The following ST3GAL3 variants were observed in gnomAD, a reference collection of about 807,000 sequenced individuals.
ST3GAL3 encodes the protein CMP-N-acetylneuraminate-beta-1,4-galactoside alpha-2,3-sialyltransferase.
In ST3GAL3, 21 loss-of-function variants were observed where a neutral mutation model predicts 50.1. The observed-to-expected ratio is 0.42, with a 90% CI of 0.30 to 0.60. The LOEUF (loss-of-function observed/expected upper bound fraction) is 0.60, where lower values mean the gene tolerates loss of function less well. Ranked by LOEUF, ST3GAL3 falls within the 20% of genes least tolerant of loss-of-function variation. ST3GAL3 has a pLI of 0.19. For synonymous variants in ST3GAL3, 183 were observed against 190.0 expected (o/e 0.96, Z 0.30); for missense variants, 353 against 489.4 (o/e 0.72, Z 2.63).
chr1:43,843,191 C>T (rs2065694714), intron 5 of ST3GAL3, among the ~76,000 whole-genome samples: 1 of 152,180 alleles, frequency 6.6e-6, no homozygotes, highest in Non-Finnish European at 1.5e-5. Context: ...AGTCTTTCAC[C>T]ATTATGGTGT....
chr1:43,753,131 A>G (rs1240149858), intron 2 of ST3GAL3, among the ~76,000 whole-genome samples: 3 of 152,196 alleles, frequency 2.0e-5, no homozygotes, highest in African/African-American at 7.2e-5. Flanking sequence ...ACACAGTGGG[A>G]CACCATGTCC....
At chr1:43,809,143 A>G (rs997229042) in intron 3 of ST3GAL3, among the ~76,000 whole-genome samples, 5 of 152,046 alleles carry the variant, frequency 3.3e-5, no homozygotes, top group African/African-American at 9.6e-5. Flanking sequence ...ATAAAGAGGG[A>G]AAAAAAACAA....
rs535003560 is a variant in ST3GAL3 at position 43,727,857 on chromosome 1, CT to C, written c.-30-8370del. On this transcript the variant is annotated intron_variant, in intron 1 of 11. Coordinates refer to ENST00000347631, the MANE Select transcript of ST3GAL3 (RefSeq NM_006279.5). ...GCCTTTTTCTATCTGTGTCCTAAAC[CT>C]TTTTTAAAAAAATAATTTCAACTTT... Among the ~76,000 whole-genome samples the C allele has an allele frequency of 2.3e-4, 35 of 152,102 alleles. No individual in the cohort carries two copies. The South Asian group carries it at 6.9e-3, about 30-fold the overall frequency.
chr1:43,832,706 C>CA (rs563914097), intron 4 of ST3GAL3, among the ~76,000 whole-genome samples: 32 of 148,694 alleles, frequency 2.2e-4, no homozygotes, highest in Non-Finnish European at 3.7e-4. Flanking sequence ...AAGGCTATTT[C>CA]AAAAAAAAAA....
chr1:43,748,049 G>A (rs564664493), intron 2 of ST3GAL3, among the ~76,000 whole-genome samples: 1 of 152,106 alleles, frequency 6.6e-6, no homozygotes, highest in Admixed American at 6.5e-5. Flanking sequence ...CACCTCATTA[G>A]AACAAAAAAT....
chr1:43,908,444 G>T lies in ST3GAL3; in HGVS notation c.744+8717G>T, dbSNP rs184124059. On this transcript the variant is annotated intron_variant, in intron 9 of 11. Transcript: ENST00000347631. ...ATCAGATGTACATTTTTCAGTGGGG[G>T]CCTCACCTTAGAGCTTCTGAATGAG... Among the ~76,000 whole-genome samples the T allele has an allele frequency of 3.9e-5, 6 of 152,226 alleles. No homozygotes were observed. In the East Asian group the frequency reaches 1.2e-3, roughly 29 times the overall value.
chr1:43,731,911 C>T (rs907104477), intron 1 of ST3GAL3, among the ~76,000 whole-genome samples: 37 of 152,214 alleles, frequency 2.4e-4, no homozygotes, highest in African/African-American at 7.9e-4. Flanking sequence ...TTCCTGGGCT[C>T]AAGTGATCAA....
rs2083098234 is a variant in ST3GAL3, at chr1:43,921,947, CTT to C, written c.1038+1022_1038+1023del. ...CATCTTTCCTGATCTCTCAGAAACACTTTTCGTGTTGGCCACTCCTTCTTCTT... is the reference window on the plus strand; with the variant it reads ...CATCTTTCCTGATCTCTCAGAAACACTTCGTGTTGGCCACTCCTTCTTCTT... On this transcript the variant is annotated intron_variant, in intron 11 of 11. Transcript: ENST00000347631. 3 of 395,370 alleles carry C rather than the reference CTT, an allele frequency of 7.6e-6. No homozygotes were observed. The South Asian group carries it at 4.3e-4, about 56-fold the overall frequency. 24.5% of individuals were successfully genotyped at this position (395,370 alleles called of 1,614,324 possible).
chr1:43,895,667 A>G (rs2077289755), intron 6 of ST3GAL3, among the ~76,000 whole-genome samples: 1 of 152,210 alleles, frequency 6.6e-6, no homozygotes, highest in South Asian at 2.1e-4. Context: ...TCTCCCTGAA[A>G]AGAAGCCAGT....
chr1:43,920,224 G>T (rs962997015), intron 9 of ST3GAL3, 180 bp from the exon 10 acceptor site: 1 of 692,338 alleles, frequency 1.4e-6, no homozygotes, highest in Admixed American at 2.1e-5. Context: ...CATTCCCCTT[G>T]TCCCTGTCAC....
At chr1:43,878,546 G>A (rs2074510169) in intron 5 of ST3GAL3, among the ~76,000 whole-genome samples, 1 of 152,166 alleles carries the variant, frequency 6.6e-6, no homozygotes, top group African/African-American at 2.4e-5. Flanking sequence ...TCCAGGCAGA[G>A]GAAACAGCTC....
chr1:43,756,161 A>AACTT (rs1688027316), intron 2 of ST3GAL3, among the ~76,000 whole-genome samples: 1 of 151,792 alleles, frequency 6.6e-6, no homozygotes, highest in African/African-American at 2.4e-5. Flanking sequence ...AAAAGGAACA[A>AACTT]ACTTGATACA....
chr1:43,724,137 A>G (rs893348349), intron 1 of ST3GAL3, among the ~76,000 whole-genome samples: 2 of 152,106 alleles, frequency 1.3e-5, no homozygotes, highest in Non-Finnish European at 2.9e-5. Context: ...TTTAGAATGT[A>G]TTACTTTTTG....
chr1:43,794,059 G>A (rs1314606158), intron 3 of ST3GAL3, among the ~76,000 whole-genome samples: 1 of 146,260 alleles, frequency 6.8e-6, no homozygotes, highest in Non-Finnish European at 1.5e-5. Context: ...ACTCCAACCT[G>A]GGTGACACAG....
In ST3GAL3 at chr1:43,882,877, C is replaced by T. The variant is rs150474268; in HGVS notation, c.303-11506C>T. On this transcript the variant is annotated intron_variant, in intron 5 of 11. Transcript: ENST00000347631. Reference sequence around the variant, plus strand: ...AAAAAGAGACTCCCACAGCCCCCAGCGTCCAAATATGAAATCTCAGAGAAG... The same window carrying T: ...AAAAAGAGACTCCCACAGCCCCCAGTGTCCAAATATGAAATCTCAGAGAAG... 1.6e-3 allele frequency among the ~76,000 whole-genome samples: 247 copies of T among 152,268 alleles called. 1 individual carries two copies. The highest frequency in any genetic ancestry group is 6.8e-3 in the Middle Eastern group (2 of 294).
intron 4 of ST3GAL3, among the ~76,000 whole-genome samples, chr1:43,833,415 A>T (rs535107530): frequency 1.1e-4 from 17 of 152,190 alleles, no homozygotes; most frequent in Non-Finnish European, 2.2e-4. Flanking sequence ...ACTATGTCCT[A>T]GTCATCATTG....
intron 4 of ST3GAL3, among the ~76,000 whole-genome samples, chr1:43,829,487 A>G (rs2063247933): frequency 6.6e-6 from 1 of 152,122 alleles, no homozygotes; most frequent in Admixed American, 6.5e-5. Flanking sequence ...AGTGCATGTC[A>G]TTCATCTGCA....
At chr1:43,823,075 C>G (rs895366814) in intron 4 of ST3GAL3, among the ~76,000 whole-genome samples, 1 of 152,112 alleles carries the variant, frequency 6.6e-6, no homozygotes, top group Non-Finnish European at 1.5e-5. Flanking sequence ...TTCTCACTAC[C>G]TCTGTATCAT....
intron 2 of ST3GAL3, among the ~76,000 whole-genome samples, chr1:43,782,374 C>CTAAG (rs939677538): frequency 3.5e-4 from 53 of 152,154 alleles, no homozygotes; most frequent in African/African-American, 1.3e-3. Context: ...GTCTTAGCCT[C>CTAAG]CTTACGCTCT....
Sources: gnomAD v4.1 joint callset for allele counts (sites outside exome capture counted in the v4.1 genomes callset) on GRCh38, gnomAD v4.1.1 for gene constraint, MANE v1.5 for transcripts, NCBI Gene and HGNC (gene_info 2026-07-23, HGNC 2026-07-21) for gene names.